MDGA2: variants seen among roughly 807,000 people sequenced by gnomAD.
MDGA2 encodes MAM domain-containing glycosylphosphatidylinositol anchor protein 2.
A neutral mutation model predicts 117.8 loss-of-function variants in MDGA2; 40 were observed. That is an observed-to-expected ratio of 0.34 (90% CI 0.26 to 0.44). The LOEUF is 0.44. Ranked by LOEUF, MDGA2 falls within the 20% of genes least tolerant of loss-of-function variation. The probability of loss-of-function intolerance (pLI) is 1.00; values close to 1 mark genes in which losing one functional copy is unlikely to be tolerated. For synonymous variants in MDGA2, 452 were observed against 439.0 expected (o/e 1.03, Z -0.37); for missense variants, 1,123 against 1,250.6 (o/e 0.90, Z 1.54).
chr14:47,564,676 A>G (rs1594920279), intron 1 of MDGA2, among the ~76,000 whole-genome samples: 1 of 152,122 alleles, frequency 6.6e-6, no homozygotes, highest in Non-Finnish European at 1.5e-5. Context: ...TGTAGTGAGG[A>G]AATTTTCATG....
chr14:47,449,491 T>C (rs995509924), intron 1 of MDGA2, among the ~76,000 whole-genome samples: 1 of 152,188 alleles, frequency 6.6e-6, no homozygotes, highest in East Asian at 1.9e-4. Flanking sequence ...CAAAGGAGCA[T>C]AACTTTTTGT....
chr14:47,502,010 AAAGAG>A (rs1326279454), intron 1 of MDGA2, among the ~76,000 whole-genome samples: 1 of 152,190 alleles, frequency 6.6e-6, no homozygotes, highest in East Asian at 1.9e-4. Flanking sequence ...CAAAAAAGTG[AAAGAG>A]AAGAAATAAG....
intron 1 of MDGA2, among the ~76,000 whole-genome samples, chr14:47,458,436 T>C (rs1403519847): frequency 6.6e-6 from 1 of 152,176 alleles, no homozygotes; most frequent in Non-Finnish European, 1.5e-5. Flanking sequence ...AAGTCTTCAA[T>C]CCATTCTGAG....
At chr14:47,007,455 G>A (rs1416374885) in intron 8 of MDGA2, among the ~76,000 whole-genome samples, 2 of 151,646 alleles carry the variant, frequency 1.3e-5, no homozygotes, top group Non-Finnish European at 3.0e-5. Flanking sequence ...CTGATTGTTG[G>A]AAAGTGCTCA....
At chr14:47,160,525 A>G (rs926869532) in intron 3 of MDGA2, among the ~76,000 whole-genome samples, 14 of 152,128 alleles carry the variant, frequency 9.2e-5, no homozygotes, top group Non-Finnish European at 2.1e-4. Flanking sequence ...TTAGCTGGGC[A>G]TGGTGCATCC....
chr14:46,900,454 C>A (rs1190153107), intron 10 of MDGA2, among the ~76,000 whole-genome samples: 2 of 152,046 alleles, frequency 1.3e-5, no homozygotes, highest in Non-Finnish European at 2.9e-5. Flanking sequence ...ACTTGAACAA[C>A]CCAAATGTAT....
At chr14:46,931,015 G>A (rs1369192830) in intron 9 of MDGA2, among the ~76,000 whole-genome samples, 4 of 152,012 alleles carry the variant, frequency 2.6e-5, no homozygotes, top group Non-Finnish European at 4.4e-5. Context: ...AAGAGTTCAA[G>A]ACCAGTCTGA....
chr14:47,042,664 T>C (rs1889120872), intron 7 of MDGA2, among the ~76,000 whole-genome samples: 1 of 152,138 alleles, frequency 6.6e-6, no homozygotes, highest in African/African-American at 2.4e-5. Flanking sequence ...AGCAAAGAAC[T>C]AAATAATTTG....
rs902778645 is a variant in MDGA2, at chr14:47,674,514, C to T, written c.280+3G>A. 1.9e-6 allele frequency: 3 copies of T among 1,549,196 alleles called. No individual in the cohort carries two copies. In the African/African-American group the frequency reaches 4.1e-5, roughly 21 times the overall value. On this transcript the variant is annotated splice_donor_region_variant and intron_variant, in intron 1 of 16. Transcript: ENST00000399232. Reference sequence around the variant, plus strand: ...GTCACGATAGCGTCGCGATTCCACTCACCGTACACTCCTTGGCCAGAGATC... The same window carrying T: ...GTCACGATAGCGTCGCGATTCCACTTACCGTACACTCCTTGGCCAGAGATC...
chr14:47,656,291 T>C (rs1897742647), intron 1 of MDGA2, among the ~76,000 whole-genome samples: 1 of 152,148 alleles, frequency 6.6e-6, no homozygotes, highest in South Asian at 2.1e-4. Flanking sequence ...TCTTTCCTAT[T>C]GCACTGCCTC....
rs78186751 is a variant in MDGA2, at chr14:46,965,562, A to G, written c.1820-7919T>C. 5.5e-3 allele frequency among the ~76,000 whole-genome samples: 844 copies of G among 152,278 alleles called. 13 individuals are homozygous for G. Among genetic ancestry groups the G allele is most frequent in the African/African-American group, 0.019 (805 of 41,560 alleles). On this transcript the variant is annotated intron_variant, in intron 8 of 16. Coordinates refer to ENST00000399232, the MANE Select transcript of MDGA2 (RefSeq NM_001113498.3). ...GGTTTCTTCACCGCAAAAAAGCTAA[A>G]TAATATTAAACCAAGCGCACTCATT...
intron 10 of MDGA2, among the ~76,000 whole-genome samples, chr14:46,904,093 G>A (rs1056616597): frequency 6.6e-6 from 1 of 152,146 alleles, no homozygotes; most frequent in Non-Finnish European, 1.5e-5. Context: ...GCCAGGCATG[G>A]TGGCTCATGC....
At chr14:47,450,515 A>G (rs1391547102) in intron 1 of MDGA2, among the ~76,000 whole-genome samples, 1 of 152,142 alleles carries the variant, frequency 6.6e-6, no homozygotes, top group African/African-American at 2.4e-5. Flanking sequence ...GAGATTCTCC[A>G]AATGAAATGT....
At chr14:47,045,854 A>G (rs1261771256) in intron 7 of MDGA2, among the ~76,000 whole-genome samples, 1 of 151,910 alleles carries the variant, frequency 6.6e-6, no homozygotes, top group African/African-American at 2.4e-5. Flanking sequence ...AATCACAGCT[A>G]CTTGGGAGGC....
chr14:47,397,299 G>C (rs1892033993), intron 1 of MDGA2, among the ~76,000 whole-genome samples: 1 of 152,054 alleles, frequency 6.6e-6, no homozygotes, highest in African/African-American at 2.4e-5. Flanking sequence ...ATAAACACAG[G>C]GAGGGTAACA....
At chr14:47,564,156 C>T (rs546292729) in intron 1 of MDGA2, among the ~76,000 whole-genome samples, 158 of 152,234 alleles carry the variant, frequency 1.0e-3, no homozygotes, top group Non-Finnish European at 1.9e-3. Context: ...TTGTAGGTGG[C>T]TGCCCCTTCT....
At chr14:47,108,690 T>A (rs141383496) in intron 5 of MDGA2, among the ~76,000 whole-genome samples, 110 of 152,344 alleles carry the variant, frequency 7.2e-4, no homozygotes, top group African/African-American at 2.5e-3. Context: ...TCAGCCCGCC[T>A]GCACCCAGGT....
chr14:47,461,365 T>C (rs931023348), intron 1 of MDGA2, among the ~76,000 whole-genome samples: 1 of 151,482 alleles, frequency 6.6e-6, no homozygotes, highest in African/African-American at 2.4e-5. Context: ...AGGAAGAACA[T>C]TTGGTCAAAC....
intron 5 of MDGA2, among the ~76,000 whole-genome samples, chr14:47,122,787 C>G (rs1881719353): frequency 6.6e-6 from 1 of 151,906 alleles, no homozygotes; most frequent in South Asian, 2.1e-4. Flanking sequence ...TGAAAAGAAC[C>G]AAGCTGTGGT....
Sources: gnomAD v4.1 joint callset for allele counts (sites outside exome capture counted in the v4.1 genomes callset) on GRCh38, gnomAD v4.1.1 for gene constraint, MANE v1.5 for transcripts, NCBI Gene and HGNC (gene_info 2026-07-23, HGNC 2026-07-21) for gene names.